Variants in TMEM131L observed in about 807,000 individuals in gnomAD.
TMEM131L encodes transmembrane 131 like, also known as transmembrane protein 131-like.
TMEM131L carries 54 observed loss-of-function variants against 192.2 expected under a neutral mutation model. The ratio of observed to expected loss-of-function variants is 0.28; its 90% confidence interval spans 0.23 to 0.35. TMEM131L has a LOEUF of 0.35. Ranked by LOEUF, TMEM131L falls within the 10% of genes least tolerant of loss-of-function variation. The probability of loss-of-function intolerance (pLI) is 1.00; values close to 1 mark genes in which losing one functional copy is unlikely to be tolerated. For synonymous variants in TMEM131L, 701 were observed against 704.9 expected (o/e 0.99, Z 0.09); for missense variants, 1,888 against 1,972.9 (o/e 0.96, Z 0.82).
At position 153,632,996 on chromosome 4, in the gene TMEM131L, C is replaced by G. The variant is rs879253085; in HGVS notation, c.4328+158C>G. Among the ~76,000 whole-genome samples, 40 of 151,694 alleles carry G rather than the reference C, an allele frequency of 2.6e-4. 1 individual carries two copies. The South Asian group carries it at 4.8e-3, about 18-fold the overall frequency. ...TTTCCTTCTGCCTTTTAGAGTTGCA[C>G]TGGGACTAAACCAGGCATTGAGAGA... On this transcript the variant is annotated intron_variant, in intron 32 of 34. Coordinates refer to ENST00000409959, the MANE Select transcript of TMEM131L (RefSeq NM_001131007.2).
At chr4:153,484,871 G>A (rs1461186658) in intron 3 of TMEM131L, among the ~76,000 whole-genome samples, 14 of 146,740 alleles carry the variant, frequency 9.5e-5, no homozygotes, top group African/African-American at 2.5e-4. Context: ...TGTAATCCCA[G>A]CACTTTGGGA....
chr4:153,499,584 G>T (rs908620318), intron 3 of TMEM131L, among the ~76,000 whole-genome samples: 1 of 151,998 alleles, frequency 6.6e-6, no homozygotes, highest in Non-Finnish European at 1.5e-5. Flanking sequence ...GCGCCACCAT[G>T]CCCGGCTAAT....
chr4:153,594,312 A>C (rs993132299), intron 19 of TMEM131L, among the ~76,000 whole-genome samples: 7 of 152,342 alleles, frequency 4.6e-5, no homozygotes, highest in Admixed American at 6.5e-5. Flanking sequence ...TACCTTATCT[A>C]TAAAAAAGGA....
At chr4:153,596,416 C>T (rs754881742) in intron 20 of TMEM131L, 31 bp downstream of exon 20, 2 of 1,610,118 alleles carry the variant, frequency 1.2e-6, no homozygotes, top group Non-Finnish European at 8.5e-7. Flanking sequence ...GAATCTGTTT[C>T]TTTCTCAATG....
intron 9 of TMEM131L, among the ~76,000 whole-genome samples, chr4:153,582,745 G>C (rs185110024): frequency 1.3e-5 from 2 of 152,244 alleles, no homozygotes; most frequent in Admixed American, 1.3e-4. Flanking sequence ...GACCACTTCT[G>C]TGGGTGAGGG....
Position 153,632,789 on chromosome 4 carries a change from G to A in TMEM131L, c.4279G>A (p.Glu1427Lys). 6.2e-7 allele frequency: 1 copy of A among 1,614,094 alleles called. No homozygotes were observed. ...CVTSSLNCTL[E>K]NGVPCVIQES... ...GACAAGCAGCTTAAACTGCACCCTG[G>A]AGAACGGCGTGCCTTGTGTGATTCA... Residue 1427 changes from glutamate to lysine, a missense_variant, in exon 32 of 35, where the codon GAG (glutamate) becomes AAG (lysine). By Grantham distance (56) the Glu-to-Lys change is moderately conservative. Transcript: ENST00000409959.
chr4:153,618,420 GAAC>G (rs1409406632), intron 26 of TMEM131L, among the ~76,000 whole-genome samples: 8 of 126,934 alleles, frequency 6.3e-5, no homozygotes, highest in Non-Finnish European at 1.2e-4. Flanking sequence ...AGGCAGCAGT[GAAC>G]AATGATTGCC....
chr4:153,608,119 CAAAAAT>C (rs1732366159), intron 25 of TMEM131L, among the ~76,000 whole-genome samples: 1 of 150,938 alleles, frequency 6.6e-6, no homozygotes, highest in African/African-American at 2.4e-5. Context: ...GACCCTGTCT[CAAAAAT>C]AAAAGCAAAA....
chr4:153,595,909 G>A (rs1224878675), intron 19 of TMEM131L, among the ~76,000 whole-genome samples: 4 of 152,210 alleles, frequency 2.6e-5, no homozygotes, highest in Admixed American at 2.6e-4. Context: ...GATTGCTCTA[G>A]CATTCAAGCA....
intron 26 of TMEM131L, among the ~76,000 whole-genome samples, chr4:153,618,572 C>T (rs974292215): frequency 6.6e-6 from 1 of 151,492 alleles, no homozygotes; most frequent in African/African-American, 2.4e-5. Flanking sequence ...TTATGAGATG[C>T]TAGGTAATTT....
At chr4:153,546,627 G>GT (rs1279222868) in intron 3 of TMEM131L, among the ~76,000 whole-genome samples, 5 of 152,150 alleles carry the variant, frequency 3.3e-5, no homozygotes, top group Non-Finnish European at 1.5e-5. Flanking sequence ...CACTCCCCCA[G>GT]TTTTTTAACA....
At chr4:153,525,143 C>T (rs1230329456) in intron 3 of TMEM131L, among the ~76,000 whole-genome samples, 3 of 152,234 alleles carry the variant, frequency 2.0e-5, no homozygotes, top group Non-Finnish European at 4.4e-5. Flanking sequence ...CGACTTGATA[C>T]ATAATGATTA....
chr4:153,635,589 T>A lies in TMEM131L; in HGVS notation c.4557+18T>A, dbSNP rs529407665. ...GCTCTCCGGTCAGTGTTGCCCATCCTGTGCCGTGAACCCCTGGGCAGCTCT... is the reference window on the plus strand; with the variant it reads ...GCTCTCCGGTCAGTGTTGCCCATCCAGTGCCGTGAACCCCTGGGCAGCTCT... On this transcript the variant is annotated intron_variant, in intron 34 of 34. Transcript: ENST00000409959. 20 of 1,613,612 alleles carry A rather than the reference T, an allele frequency of 1.2e-5. No homozygotes were observed. The highest frequency in any genetic ancestry group is 1.7e-5 in the Non-Finnish European group (20 of 1,179,760).
At chr4:153,604,693 C>CT (rs1403266306) in intron 25 of TMEM131L, among the ~76,000 whole-genome samples, 2 of 152,004 alleles carry the variant, frequency 1.3e-5, no homozygotes, top group East Asian at 1.9e-4. Context: ...ACATGGACAC[C>CT]TTTTTCTAAT....
intron 29 of TMEM131L, 75 bp downstream of exon 29, chr4:153,623,158 T>C (rs1462834208): frequency 8.2e-6 from 11 of 1,348,512 alleles, no homozygotes; most frequent in African/African-American, 1.5e-5. Context: ...GTCCACACAG[T>C]CTCGATCTGC....
intron 2 of TMEM131L, among the ~76,000 whole-genome samples, chr4:153,471,227 C>T (rs1580002016): frequency 6.6e-6 from 1 of 152,156 alleles, no homozygotes; most frequent in South Asian, 2.1e-4. Flanking sequence ...ACCTTGTGAT[C>T]TGCCTGCCTC....
intron 3 of TMEM131L, among the ~76,000 whole-genome samples, chr4:153,525,943 G>T (rs1735444096): frequency 6.6e-6 from 1 of 151,848 alleles, no homozygotes; most frequent in African/African-American, 2.4e-5. Context: ...TGCAGCCTCT[G>T]CCTCCCGGGT....
chr4:153,579,004 T>C (rs1348757865), intron 7 of TMEM131L, among the ~76,000 whole-genome samples: 2 of 152,100 alleles, frequency 1.3e-5, no homozygotes, highest in Non-Finnish European at 2.9e-5. Context: ...AAATTAAAAA[T>C]CAGTTTCAGA....
At chr4:153,539,572 G>C (rs371466631) in intron 3 of TMEM131L, among the ~76,000 whole-genome samples, 2 of 145,726 alleles carry the variant, frequency 1.4e-5, no homozygotes, top group African/African-American at 5.2e-5. Flanking sequence ...GGTATTCTGA[G>C]AGATGGGACT....
Sources: gnomAD v4.1 joint callset for allele counts (sites outside exome capture counted in the v4.1 genomes callset) on GRCh38, gnomAD v4.1.1 for gene constraint, MANE v1.5 for transcripts, NCBI Gene and HGNC (gene_info 2026-07-23, HGNC 2026-07-21) for gene names.